FNBP1: variants seen among roughly 807,000 people sequenced by gnomAD.
The protein encoded by FNBP1 is formin-binding protein 1.
In FNBP1, 26 loss-of-function variants were observed where a neutral mutation model predicts 90.6. The ratio of observed to expected loss-of-function variants is 0.29; its 90% CI spans 0.21 to 0.40. FNBP1 has a LOEUF of 0.40. Ranked by LOEUF, FNBP1 falls within the 10% of genes least tolerant of loss-of-function variation. FNBP1 has a pLI of 1.00. For missense variants in FNBP1, 635 were observed against 768.0 expected (o/e 0.83, Z 2.05); for synonymous variants, 260 against 265.2 (o/e 0.98, Z 0.19).
chr9:130,023,514 A>G (rs2058051235), intron 1 of FNBP1, among the ~76,000 whole-genome samples: 1 of 152,176 alleles, frequency 6.6e-6, no homozygotes, highest in Admixed American at 6.5e-5. Context: ...CAAAGCCCTG[A>G]GGTGGAAGAA....
At chr9:129,954,739 G>A (rs2046658525) in intron 6 of FNBP1, among the ~76,000 whole-genome samples, 1 of 152,210 alleles carries the variant, frequency 6.6e-6, no homozygotes, top group Non-Finnish European at 1.5e-5. Context: ...GCTCATGCCT[G>A]TAATCCCAGC....
chr9:130,040,874 C>A (rs2059760435), intron 1 of FNBP1, among the ~76,000 whole-genome samples: 1 of 152,038 alleles, frequency 6.6e-6, no homozygotes, highest in Non-Finnish European at 1.5e-5. Flanking sequence ...TAATGGCCAA[C>A]TCTGTCTCAC....
Position 129,959,272 on chromosome 9 carries a change from G to C in FNBP1, c.346-719C>G, listed in dbSNP as rs56313915. Among the ~76,000 whole-genome samples the C allele has an allele frequency of 4.3e-3, 654 of 151,286 alleles. 5 individuals carry two copies. Among genetic ancestry groups the C allele is most frequent in the African/African-American group, 0.015 (617 of 41,222 alleles). ...TGATCGTGCCACTGCACTCCAGCCT[G>C]AGTGACAGAATGAGACCCCATCTCA... On this transcript the variant is annotated intron_variant, in intron 4 of 16. Transcript: ENST00000446176.
At chr9:129,916,486 G>C (rs2040271563) in intron 10 of FNBP1, among the ~76,000 whole-genome samples, 1 of 151,832 alleles carries the variant, frequency 6.6e-6, no homozygotes, top group South Asian at 2.1e-4. Flanking sequence ...GTGTGGTGGT[G>C]CACACCTGTA....
intron 10 of FNBP1, 122 bp from the exon 11 acceptor site, chr9:129,916,102 A>C (rs1468271379): frequency 1.5e-6 from 1 of 683,176 alleles, no homozygotes; most frequent in Non-Finnish European, 2.6e-6. Flanking sequence ...TTAAAATAAC[A>C]CACACGTCTA....
intron 2 of FNBP1, among the ~76,000 whole-genome samples, chr9:129,986,306 G>C (rs1404268889): frequency 2.6e-5 from 4 of 151,800 alleles, no homozygotes; most frequent in Non-Finnish European, 5.9e-5. Context: ...AAACACAAAG[G>C]CAATAAATCA....
intron 2 of FNBP1, among the ~76,000 whole-genome samples, chr9:129,981,108 GAC>G (rs1314928834): frequency 1.3e-5 from 2 of 151,052 alleles, no homozygotes; most frequent in African/African-American, 4.9e-5. Context: ...GTTTGTTTGA[GAC>G]AGAGTTTCAC....
chr9:129,936,810 A>G (rs2132221542), intron 6 of FNBP1, among the ~76,000 whole-genome samples: 1 of 152,288 alleles, frequency 6.6e-6, no homozygotes, highest in South Asian at 2.1e-4. Context: ...AACAGAAAAA[A>G]TAGCAACCTG....
chr9:129,997,050 T>A (rs2054116749), intron 1 of FNBP1, among the ~76,000 whole-genome samples: 1 of 151,254 alleles, frequency 6.6e-6, no homozygotes, highest in South Asian at 2.1e-4. Context: ...TTTGGCCAGG[T>A]GAGGTGGCTC....
intron 11 of FNBP1, 164 bp from the exon 12 acceptor site, chr9:129,909,163 T>C (rs2038750143): frequency 3.0e-6 from 2 of 662,796 alleles, no homozygotes; most frequent in Admixed American, 2.4e-5. Context: ...CAAAAATCAA[T>C]GCATGCAAAC....
chr9:129,974,424 G>C (rs756105091), intron 4 of FNBP1, among the ~76,000 whole-genome samples: 1 of 150,050 alleles, frequency 6.7e-6, no homozygotes, highest in East Asian at 2.0e-4. Flanking sequence ...TCGGCCTCCC[G>C]AAGTGCTGGG....
chr9:129,964,753 C>G (rs974666484), intron 4 of FNBP1, among the ~76,000 whole-genome samples: 4 of 151,682 alleles, frequency 2.6e-5, no homozygotes, highest in African/African-American at 9.7e-5. Context: ...GTTTAGTATT[C>G]ACACTGCAAT....
chr9:129,906,329 TG>T (rs745710130), intron 12 of FNBP1, among the ~76,000 whole-genome samples: 11 of 152,230 alleles, frequency 7.2e-5, no homozygotes, highest in African/African-American at 9.6e-5. Context: ...TATGTGGGCT[TG>T]AAAAGAGTGT....
chr9:130,028,560 C>G (rs1168313903), intron 1 of FNBP1, among the ~76,000 whole-genome samples: 1 of 152,096 alleles, frequency 6.6e-6, no homozygotes, highest in East Asian at 1.9e-4. Context: ...CCTATCAGAA[C>G]CTCCAGCTCC....
chr9:129,913,870 T>C (rs938399963), intron 11 of FNBP1, among the ~76,000 whole-genome samples: 1 of 113,356 alleles, frequency 8.8e-6, no homozygotes, highest in East Asian at 2.8e-4. Flanking sequence ...ATTTTGGGTT[T>C]TTTGTTTTGT....
rs924836699 is a variant in FNBP1 at position 129,915,905 on chromosome 9, A to G, written c.1185+61T>C. 3.2e-5 allele frequency: 41 copies of G among 1,276,980 alleles called. 1 individual carries two copies. In the South Asian group the frequency reaches 4.7e-4, roughly 15 times the overall value. 79.1% of individuals were successfully genotyped at this position (1,276,980 alleles called of 1,614,324 possible). ...ATACGTTGTGCATGGCATAGCATTC[A>G]TAAAAGACACGCCAGAAAACCTGAT... is the stretch of plus-strand genomic sequence containing the variant. On this transcript the variant is annotated intron_variant, in intron 11 of 16. Coordinates refer to ENST00000446176, the MANE Select transcript of FNBP1 (RefSeq NM_015033.3).
At chr9:129,978,311 G>A in intron 4 of FNBP1, 154 bp downstream of exon 4, 1 of 648,598 alleles carries the variant, frequency 1.5e-6, no homozygotes, top group Non-Finnish European at 2.6e-6. Context: ...GAGCCACCGT[G>A]CCCAGCTGGG....
intron 11 of FNBP1, among the ~76,000 whole-genome samples, chr9:129,914,757 C>CTATATATATATATA (rs756342214): frequency 2.7e-5 from 3 of 109,992 alleles, no homozygotes; most frequent in African/African-American, 1.1e-4. Context: ...ATACATATGT[C>CTATATATATATATA]TATATATATA....
intron 2 of FNBP1, among the ~76,000 whole-genome samples, chr9:129,984,518 A>G (rs1005611795): frequency 6.6e-6 from 1 of 152,138 alleles, no homozygotes; most frequent in Non-Finnish European, 1.5e-5. Flanking sequence ...TATGCTGACC[A>G]CCCAAGGCCT....
Sources: gnomAD v4.1 joint callset for allele counts (sites outside exome capture counted in the v4.1 genomes callset) on GRCh38, gnomAD v4.1.1 for gene constraint, MANE v1.5 for transcripts, NCBI Gene and HGNC (gene_info 2026-07-23, HGNC 2026-07-21) for gene names.